ADAMTS7: variants seen among roughly 807,000 people sequenced by gnomAD.
The protein encoded by ADAMTS7 is A disintegrin and metalloproteinase with thrombospondin motifs 7.
Under a neutral mutation model 172.6 loss-of-function variants are expected in ADAMTS7, and 89 were observed. The ratio of observed to expected loss-of-function variants is 0.52; its 90% CI spans 0.43 to 0.61. The LOEUF (loss-of-function observed/expected upper bound fraction) is 0.61, where lower values mean the gene tolerates loss of function less well. Ranked by LOEUF, ADAMTS7 falls within the 20% of genes least tolerant of loss-of-function variation. The pLI, the probability that ADAMTS7 is intolerant of heterozygous loss-of-function variation, is 0.00. For missense variants in ADAMTS7, 1,973 were observed against 2,355.6 expected, an observed-to-expected ratio of 0.84 and a Z score of 3.36; for synonymous variants, 885 against 978.4, an observed-to-expected ratio of 0.90 and a Z score of 1.78.
Position 78,800,549 on chromosome 15 carries a change from T to C in ADAMTS7, c.101-2A>G. 1 of 1,586,058 alleles carries C rather than the reference T, an allele frequency of 6.3e-7. No homozygotes were observed. The highest frequency in any genetic ancestry group is 8.6e-7 in the Non-Finnish European group (1 of 1,166,584). ...CCGCCCGGCCCTCGGTTGCACGTCC[T>C]GCAGGGAGAGAACCACAAACGCCTA... is the stretch of plus-strand genomic sequence containing the variant. On this transcript the variant is annotated splice_acceptor_variant, in intron 1 of 23. Transcript: ENST00000388820. LOFTEE classifies it high-confidence loss of function.
chr15:78,807,095 C>T (rs564250604), intron 1 of ADAMTS7, among the ~76,000 whole-genome samples: 2 of 152,306 alleles, frequency 1.3e-5, no homozygotes, highest in South Asian at 2.1e-4. Flanking sequence ...TGAGTATTAA[C>T]GTTGGTTCCC....
chr15:78,760,351 C>T (rs1244732849), intron 23 of ADAMTS7, among the ~76,000 whole-genome samples: 6 of 152,188 alleles, frequency 3.9e-5, no homozygotes, highest in Non-Finnish European at 5.9e-5. Context: ...GCTGACAGCC[C>T]CCAGCTGCCA....
At chr15:78,781,890 A>G (rs2055433049) in intron 8 of ADAMTS7, among the ~76,000 whole-genome samples, 1 of 152,220 alleles carries the variant, frequency 6.6e-6, no homozygotes, top group South Asian at 2.1e-4. Context: ...TGTGGCAGGC[A>G]CTGTGCTAAG....
chr15:78,805,338 T>TTAA (rs370467162), intron 1 of ADAMTS7, among the ~76,000 whole-genome samples: 12 of 152,254 alleles, frequency 7.9e-5, no homozygotes, highest in African/African-American at 2.9e-4. Flanking sequence ...TTGCCAATGT[T>TTAA]TAAGAATCAC....
At chr15:78,810,389 C>T (rs1293859419) in intron 1 of ADAMTS7, 1 of 152,296 alleles carries the variant, frequency 6.6e-6, no homozygotes, top group Non-Finnish European at 1.5e-5. Flanking sequence ...GCGTCGGACG[C>T]GCCAGCAGCG....
rs979446212 is a variant in ADAMTS7 at position 78,772,999 on chromosome 15, G to A, written c.2131+84C>T. 2.8e-6 allele frequency: 4 copies of A among 1,453,200 alleles called. No homozygotes were observed. The African/African-American group carries it at 5.7e-5, about 21-fold the overall frequency. 90.0% of individuals were successfully genotyped at this position (1,453,200 alleles called of 1,614,324 possible). The stretch of plus-strand genomic sequence containing the variant: ...CTCCAGGCTGGGTGGGGGCCACGAG[G>A]CCAAGGACAGGGGCCCAGGGGAGAT... On this transcript the variant is annotated intron_variant, in intron 14 of 23. Coordinates refer to ENST00000388820, the MANE Select transcript of ADAMTS7 (RefSeq NM_014272.5).
intron 4 of ADAMTS7, among the ~76,000 whole-genome samples, chr15:78,795,711 G>C (rs1266699301): frequency 1.3e-5 from 2 of 152,174 alleles, no homozygotes; most frequent in Non-Finnish European, 2.9e-5. Flanking sequence ...GGGTTATATG[G>C]TGGCCTGCCA....
At chr15:78,803,337 G>A (rs1412247504) in intron 1 of ADAMTS7, among the ~76,000 whole-genome samples, 3 of 152,318 alleles carry the variant, frequency 2.0e-5, no homozygotes, top group African/African-American at 7.2e-5. Flanking sequence ...TCCAGCCTAG[G>A]TGATAGAGTG....
intron 1 of ADAMTS7, among the ~76,000 whole-genome samples, chr15:78,808,786 G>A (rs1489880565): frequency 6.6e-6 from 1 of 152,190 alleles, no homozygotes; most frequent in African/African-American, 2.4e-5. Flanking sequence ...GATGGCAACA[G>A]GCACCATTCA....
chr15:78,789,556 G>A lies in ADAMTS7; in HGVS notation c.1178+133C>T, dbSNP rs546315413. On this transcript the variant is annotated intron_variant, in intron 7 of 23. Transcript: ENST00000388820. Reference sequence around the variant, plus strand: ...GGGGACAGTGCAGGGGCAGCACATGGCCAGTCAGGGCTCCTTTTCCAGAGA... The same window carrying A: ...GGGGACAGTGCAGGGGCAGCACATGACCAGTCAGGGCTCCTTTTCCAGAGA... 4 of 1,261,796 alleles carry A rather than the reference G, an allele frequency of 3.2e-6. No homozygotes were observed. The East Asian group carries it at 1.0e-4, about 32-fold the overall frequency. The allele number at this position is 1,261,796 out of a possible 1,614,324, so 78.2% of individuals were successfully genotyped here. A position where few individuals can be genotyped will look rare whatever the true frequency, so the allele number is the denominator to read the frequency against.
chr15:78,809,138 G>A lies in ADAMTS7; in HGVS notation c.100+1983C>T, dbSNP rs566412823. Among the ~76,000 whole-genome samples, 29 of 152,268 alleles carry A rather than the reference G, an allele frequency of 1.9e-4. No homozygotes were observed. In the East Asian group the frequency reaches 4.4e-3, roughly 23 times the overall value. The stretch of plus-strand genomic sequence containing the variant: ...CACACAGAGTTCACATGTGCCATAC[G>A]GCATGAGGAGGACACATGACTGGGC... On this transcript the variant is annotated intron_variant, in intron 1 of 23. Coordinates refer to ENST00000388820, the MANE Select transcript of ADAMTS7 (RefSeq NM_014272.5).
chr15:78,800,454 C>T lies in ADAMTS7; in HGVS notation c.194G>A (p.Arg65His), dbSNP rs543298710. The T allele has an allele frequency of 1.2e-6, 2 of 1,610,698 alleles. No individual in the cohort carries two copies. The highest frequency in any genetic ancestry group is 1.3e-5 in the African/African-American group (1 of 74,922). ...AGATACATCCCGCTTGCGCAGTGCG[C>T]GGGGCCACAGCTCGTAGGACAGGAA... ...GSFLSYELWPRALRKRDVSVR... is the reference protein window; with the variant it reads ...GSFLSYELWPHALRKRDVSVR... The change falls in exon 2 of 24, where the codon CGC becomes CAC. Residue 65 changes from arginine to histidine, a missense_variant. Physicochemically the swap from Arg to His is conservative, Grantham distance 29 (BLOSUM62 0). This residue lies in a region of ADAMTS7 where 306 missense variants were observed against 288.0 expected (regional missense o/e 1.06). Coordinates refer to ENST00000388820, the MANE Select transcript of ADAMTS7 (RefSeq NM_014272.5).
intron 1 of ADAMTS7, among the ~76,000 whole-genome samples, chr15:78,806,137 A>C (rs1270510249): frequency 2.6e-3 from 313 of 122,008 alleles, no homozygotes; most frequent in African/African-American, 9.7e-3. Flanking sequence ...CAAAAAAAAA[A>C]AAAAAAAAAA....
At chr15:78,798,313 CA>C (rs2055673661) in intron 2 of ADAMTS7, among the ~76,000 whole-genome samples, 200 bp from the exon 3 acceptor site, 1 of 152,216 alleles carries the variant, frequency 6.6e-6, no homozygotes, top group Admixed American at 6.5e-5. Context: ...TCTGCCATTT[CA>C]CACACAGCCA....
At chr15:78,809,884 A>G (rs2055842365) in intron 1 of ADAMTS7, among the ~76,000 whole-genome samples, 1 of 152,246 alleles carries the variant, frequency 6.6e-6, no homozygotes, top group African/African-American at 2.4e-5. Flanking sequence ...TGTGGAGATG[A>G]TGAGAAATAA....
In ADAMTS7 at chr15:78,771,558, C is replaced by T. The variant is rs1346679292; in HGVS notation, c.2376+27G>A. On this transcript the variant is annotated intron_variant, in intron 15 of 23. Transcript: ENST00000388820. The surrounding 1 kb of genome is among the most constrained non-coding windows in gnomAD (Gnocchi z 4.9). ...GCCTGGGGACTCCGCCTCTGCTCCCCCCGCCTGGGCCACGGGAGGCAGGCA... is the reference window on the plus strand; with the variant it reads ...GCCTGGGGACTCCGCCTCTGCTCCCTCCGCCTGGGCCACGGGAGGCAGGCA... 1.3e-6 allele frequency: 2 copies of T among 1,578,320 alleles called. No homozygotes were observed. Among genetic ancestry groups the T allele is most frequent in the South Asian group, 2.3e-5 (2 of 88,022 alleles).
intron 23 of ADAMTS7, among the ~76,000 whole-genome samples, chr15:78,761,518 C>A (rs563354511): frequency 6.6e-5 from 10 of 152,342 alleles, no homozygotes; most frequent in African/African-American, 2.4e-4. Flanking sequence ...GATCCCCACG[C>A]AGTGCTGCGT....
chr15:78,763,750 C>T lies in ADAMTS7; in HGVS notation c.4689G>A (p.Arg1563=). Residue 1563 remains arginine (R), a synonymous_variant, in exon 22 of 24, where the codon CGG becomes CGA. Coordinates refer to ENST00000388820, the MANE Select transcript of ADAMTS7 (RefSeq NM_014272.5). ...CEEALRPNTT[R]PCNTHPCTQW... ...GCGTGCAGGGGTGGGTGTTGCAGGG[C>T]CGGGTGGTGTTGGGTCTCAGCGCCT... is the stretch of plus-strand genomic sequence containing the variant. 1.3e-6 allele frequency: 2 copies of T among 1,597,572 alleles called. No homozygotes were observed. Among genetic ancestry groups the T allele is most frequent in the Non-Finnish European group, 1.7e-6 (2 of 1,174,500 alleles).
At chr15:78,776,364 C>T (rs762107856) in intron 10 of ADAMTS7, 31 bp from the exon 11 acceptor site, 5 of 1,600,062 alleles carry the variant, frequency 3.1e-6, no homozygotes, top group Non-Finnish European at 4.3e-6. Flanking sequence ...AGAGCCACCC[C>T]ACCCCCAAGT....
Sources: allele counts gnomAD v4.1 joint callset (sites outside exome capture counted in the v4.1 genomes callset), GRCh38; gene constraint gnomAD v4.1.1; regional missense constraint gnomAD v4.1.1; non-coding constraint Gnocchi (gnomAD v3.1); transcripts MANE v1.5; gene names NCBI Gene and HGNC (gene_info 2026-07-23, HGNC 2026-07-21).